The following TACC2 variants were observed in gnomAD, a reference collection of about 807,000 sequenced individuals.
TACC2 encodes the protein transforming acidic coiled-coil containing protein 2.
Under a neutral mutation model 227.3 loss-of-function variants are expected in TACC2, and 137 were observed. The ratio of observed to expected loss-of-function variants is 0.60; its 90% CI spans 0.52 to 0.69. TACC2 has a LOEUF of 0.69. Ranked by LOEUF, TACC2 falls within the 30% of genes least tolerant of loss-of-function variation. The pLI is 0.00. For synonymous variants in TACC2, 1,523 were observed against 1,487.5 expected, an observed-to-expected ratio of 1.02 and a Z score of -0.55; for missense variants, 3,470 against 3,694.4, an observed-to-expected ratio of 0.94 and a Z score of 1.57.
At chr10:122,114,117 G>A (rs2084185662) in intron 5 of TACC2, among the ~76,000 whole-genome samples, 1 of 152,202 alleles carries the variant, frequency 6.6e-6, no homozygotes, top group African/African-American at 2.4e-5. Flanking sequence ...ATGGAAGCGG[G>A]GCCTAAGGAG....
At chr10:122,096,758 G>GTA (rs149002278) in intron 5 of TACC2, among the ~76,000 whole-genome samples, 1 of 151,628 alleles carries the variant, frequency 6.6e-6, no homozygotes, top group East Asian at 2.0e-4. Context: ...GGGCAGACAT[G>GTA]TGGTTTTTCC....
chr10:122,035,612 A>G (rs537704961), intron 2 of TACC2, among the ~76,000 whole-genome samples: 1 of 152,262 alleles, frequency 6.6e-6, no homozygotes, highest in East Asian at 1.9e-4. Context: ...AGTAAAATAT[A>G]TATAACATAA....
Position 122,123,451 on chromosome 10 carries a change from C to T in TACC2, c.5574-9158C>T, listed in dbSNP as rs28602308. Among the ~76,000 whole-genome samples the T allele has an allele frequency of 2.1e-3, 316 of 152,260 alleles. 2 individuals carry two copies. The highest frequency in any genetic ancestry group is 7.3e-3 in the African/African-American group (305 of 41,544). On this transcript the variant is annotated intron_variant, in intron 5 of 22. Transcript: ENST00000369005. ...ACTAAAAAGCACAATGTGCTTACCC[C>T]GAGGGACCTGGGGAACCCACCTTTC...
Position 122,083,323 on chromosome 10 carries a change from G to T in TACC2, c.823G>T (p.Ala275Ser). The T allele has an allele frequency of 6.2e-7, 1 of 1,613,986 alleles. No homozygotes were observed. The highest frequency in any genetic ancestry group is 8.5e-7 in the Non-Finnish European group (1 of 1,180,032). Residue 275 changes from alanine to serine, a missense_variant, in exon 4 of 23, where the codon GCC (alanine) becomes TCC (serine). Physicochemically the swap from Ala to Ser is moderately conservative, Grantham distance 99 (BLOSUM62 1). Transcript: ENST00000369005. ...VLEKSPLKPM[A>S]PIPQDPAPRA... ...GGAGAAGTCCCCCCTAAAACCCATG[G>T]CCCCGATCCCACAAGATCCAGCCCC...
chr10:122,249,746 G>C (rs10887111), intron 22 of TACC2, 82 bp downstream of exon 22: 579,331 of 1,491,434 alleles, frequency 0.39, 116,152 homozygotes, highest in Admixed American at 0.43. Context: ...GACAGGCTGG[G>C]CTTCCCTGGC....
intron 22 of TACC2, among the ~76,000 whole-genome samples, chr10:122,250,784 T>C (rs2096239431): frequency 6.6e-6 from 1 of 152,160 alleles, no homozygotes; most frequent in South Asian, 2.1e-4. Context: ...GAAGCCTGTA[T>C]CGTTGGGCAG....
intron 1 of TACC2, among the ~76,000 whole-genome samples, chr10:122,005,870 C>T (rs945867221): frequency 1.3e-5 from 2 of 151,634 alleles, no homozygotes; most frequent in Non-Finnish European, 2.9e-5. Flanking sequence ...ATTTTTTGTA[C>T]TTTTAGTTGA....
intron 7 of TACC2, among the ~76,000 whole-genome samples, chr10:122,152,087 C>T (rs1367870947): frequency 6.6e-6 from 1 of 152,218 alleles, no homozygotes; most frequent in East Asian, 1.9e-4. Flanking sequence ...CTCCACCAAA[C>T]ATGGAGACCT....
rs1477034011 is a variant in TACC2, at chr10:122,085,473, C to T, written c.2973C>T (p.Asn991=). 1 of 1,613,770 alleles carries T rather than the reference C, an allele frequency of 6.2e-7. No individual in the cohort carries two copies. Among genetic ancestry groups the T allele is most frequent in the Admixed American group, 1.7e-5 (1 of 60,032 alleles). Residue 991 remains asparagine (N), a synonymous_variant, in exon 4 of 23, where the codon AAC becomes AAT. Transcript: ENST00000369005. The part of the protein sequence containing the change: ...KETCCTGQGP[N]KSQQALADAL... Reference sequence around the variant, plus strand: ...CTTGCTGCACTGGGCAGGGGCCAAACAAGTCTCAACAGGCATTGGCTGATG... The same window carrying T: ...CTTGCTGCACTGGGCAGGGGCCAAATAAGTCTCAACAGGCATTGGCTGATG...
chr10:122,111,834 A>C (rs2083668700), intron 5 of TACC2, among the ~76,000 whole-genome samples: 1 of 152,156 alleles, frequency 6.6e-6, no homozygotes, highest in Admixed American at 6.5e-5. Flanking sequence ...GATGGTATAC[A>C]TTTAAACTAG....
chr10:122,133,325 C>A (rs988124274), intron 6 of TACC2, among the ~76,000 whole-genome samples: 1 of 152,320 alleles, frequency 6.6e-6, no homozygotes, highest in South Asian at 2.1e-4. Context: ...TCCGTCTACA[C>A]TGTGCTTGGC....
At chr10:122,030,590 T>C (rs987994543) in intron 2 of TACC2, among the ~76,000 whole-genome samples, 4 of 152,098 alleles carry the variant, frequency 2.6e-5, no homozygotes, top group African/African-American at 9.6e-5. Flanking sequence ...TACCAGCTCC[T>C]GACTCCATCT....
Position 122,085,070 on chromosome 10 carries a change from A to C in TACC2, c.2570A>C (p.Glu857Ala), listed in dbSNP as rs779670767. The change falls in exon 4 of 23, where the codon GAG (glutamate) becomes GCG (alanine). Residue 857 changes from glutamate to alanine, a missense_variant. By Grantham distance (107) the Glu-to-Ala change is moderately radical (BLOSUM62 -1). Transcript: ENST00000369005. ...EQAQPPENGK[E>A]TSPSHPGFKD... ...GCCCAGCCACCTGAAAATGGGAAAGAGACTTCTCCAAGCCATCCAGGTTTT... is the reference window on the plus strand; with the variant it reads ...GCCCAGCCACCTGAAAATGGGAAAGCGACTTCTCCAAGCCATCCAGGTTTT... 6.2e-7 allele frequency: 1 copy of C among 1,614,194 alleles called. No individual in the cohort carries two copies. The highest frequency in any genetic ancestry group is 2.2e-5 in the East Asian group (1 of 44,888).
At chr10:122,165,516 C>T (rs2093107570) in intron 7 of TACC2, among the ~76,000 whole-genome samples, 1 of 152,116 alleles carries the variant, frequency 6.6e-6, no homozygotes, top group Admixed American at 6.5e-5. Flanking sequence ...AGCTGAGGGC[C>T]GAGTTTAGAT....
At chr10:122,136,105 G>A (rs2089573152) in intron 6 of TACC2, among the ~76,000 whole-genome samples, 1 of 152,150 alleles carries the variant, frequency 6.6e-6, no homozygotes, top group Non-Finnish European at 1.5e-5. Flanking sequence ...TTATGTTTTG[G>A]TTGATTGGCT....
chr10:122,128,471 C>A (rs375168798), intron 5 of TACC2, among the ~76,000 whole-genome samples: 23 of 152,284 alleles, frequency 1.5e-4, no homozygotes, highest in African/African-American at 4.3e-4. Flanking sequence ...ATCTTTTATT[C>A]CAGATCTTCT....
At chr10:122,233,512 G>A (rs1190399167) in intron 16 of TACC2, among the ~76,000 whole-genome samples, 1 of 152,202 alleles carries the variant, frequency 6.6e-6, no homozygotes, top group African/African-American at 2.4e-5. Flanking sequence ...AGAAGAGGCC[G>A]ATGCCTGGAG....
chr10:122,184,897 G>T (rs1169789495), intron 7 of TACC2, among the ~76,000 whole-genome samples: 5 of 152,076 alleles, frequency 3.3e-5, no homozygotes, highest in African/African-American at 1.2e-4. Context: ...ACTGAGGGGT[G>T]ATAGCGATGG....
intron 5 of TACC2, among the ~76,000 whole-genome samples, chr10:122,091,372 C>CT (rs1175231688): frequency 7.9e-5 from 12 of 152,034 alleles, no homozygotes; most frequent in Non-Finnish European, 1.8e-4. Flanking sequence ...TCACTTATTT[C>CT]TTTTTTCTGT....
Sources: allele counts gnomAD v4.1 joint callset (sites outside exome capture counted in the v4.1 genomes callset), GRCh38; gene constraint gnomAD v4.1.1; transcripts MANE v1.5; gene names NCBI Gene and HGNC (gene_info 2026-07-23, HGNC 2026-07-21).